SPIDR: variants seen among roughly 807,000 people sequenced by gnomAD.
SPIDR encodes DNA repair-scaffolding protein.
In SPIDR, 93 loss-of-function variants were observed where a neutral mutation model predicts 104.6. That is an observed-to-expected ratio of 0.89 (90% CI 0.75 to 1.06). The LOEUF is 1.06. SPIDR is among the 50% of genes least tolerant of loss of function. The pLI, the probability that SPIDR is intolerant of heterozygous loss-of-function variation, is 0.00. For synonymous variants in SPIDR, 431 were observed against 416.9 expected, an observed-to-expected ratio of 1.03 and a Z score of -0.41; for missense variants, 1,154 against 1,111.2, an observed-to-expected ratio of 1.04 and a Z score of -0.55.
intron 5 of SPIDR, among the ~76,000 whole-genome samples, chr8:47,320,856 A>T (rs2046418575): frequency 6.6e-6 from 1 of 152,238 alleles, no homozygotes; most frequent in Non-Finnish European, 1.5e-5. Flanking sequence ...CCACATGATT[A>T]TCTCAATAGA....
chr8:47,356,600 G>A (rs2054596801), intron 5 of SPIDR, among the ~76,000 whole-genome samples: 2 of 152,164 alleles, frequency 1.3e-5, no homozygotes, highest in Admixed American at 1.3e-4. Context: ...TAAATTTTAA[G>A]TAGACTGCTC....
intron 5 of SPIDR, among the ~76,000 whole-genome samples, chr8:47,312,988 C>T (rs1748173600): frequency 6.6e-6 from 1 of 152,048 alleles, no homozygotes; most frequent in Admixed American, 6.6e-5. Flanking sequence ...AATCCTTTCC[C>T]GAAAACTGGC....
rs550232896 is a variant in SPIDR, at chr8:47,495,396, A to C, written c.1097+54854A>C. On this transcript the variant is annotated intron_variant, in intron 8 of 19. Coordinates refer to ENST00000297423, the MANE Select transcript of SPIDR (RefSeq NM_001080394.4). ...CTTTACCCCCTCCCACCCAAAAAAA[A>C]AAAAAGATATAATTAACATAGTATA... Among the ~76,000 whole-genome samples, 16 of 152,202 alleles carry C rather than the reference A, an allele frequency of 1.1e-4. No individual in the cohort carries two copies. The South Asian group carries it at 3.3e-3, about 32-fold the overall frequency.
At chr8:47,713,738 C>T (rs1589444698) in intron 16 of SPIDR, 97 bp downstream of exon 16, 2 of 1,484,774 alleles carry the variant, frequency 1.3e-6, no homozygotes, top group African/African-American at 1.4e-5. Context: ...TTGTGGAGCA[C>T]CCGCTAAGTT....
At chr8:47,304,680 A>G (rs2042824446) in intron 5 of SPIDR, among the ~76,000 whole-genome samples, 1 of 152,218 alleles carries the variant, frequency 6.6e-6, no homozygotes, top group Non-Finnish European at 1.5e-5. Flanking sequence ...CCCCAGAAGC[A>G]TATGCCACCA....
intron 7 of SPIDR, among the ~76,000 whole-genome samples, chr8:47,420,251 A>G (rs2065181715): frequency 6.6e-6 from 1 of 152,110 alleles, no homozygotes; most frequent in Non-Finnish European, 1.5e-5. Context: ...TGGGAGTCTA[A>G]GTCTCTTTTT....
chr8:47,324,047 G>A (rs1423128182), intron 5 of SPIDR, among the ~76,000 whole-genome samples: 1 of 151,978 alleles, frequency 6.6e-6, no homozygotes, highest in African/African-American at 2.4e-5. Flanking sequence ...GTGTTCTCTG[G>A]TGACATTAAC....
chr8:47,658,029 C>CAAAAA (rs34648437), intron 10 of SPIDR, among the ~76,000 whole-genome samples: 263 of 75,542 alleles, frequency 3.5e-3, no homozygotes, highest in East Asian at 4.6e-3. Context: ...GACCCTGTCT[C>CAAAAA]AAAAAAAAAA....
chr8:47,368,510 G>A (rs2057553348), intron 5 of SPIDR, among the ~76,000 whole-genome samples: 1 of 152,116 alleles, frequency 6.6e-6, no homozygotes, highest in South Asian at 2.1e-4. Context: ...CATCTTGCCA[G>A]CCATCTTGGT....
rs148456781 is a variant in SPIDR at position 47,525,411 on chromosome 8, C to A, written c.1098-70400C>A. On this transcript the variant is annotated intron_variant, in intron 8 of 19. Transcript: ENST00000297423. ...AGCTTTGGCATTACTAACTGAATAA[C>A]CTACTTTCTTTTTCTTTAACCAACA... 2.8e-3 allele frequency among the ~76,000 whole-genome samples: 421 copies of A among 152,330 alleles called. 1 individual carries two copies. The highest frequency in any genetic ancestry group is 9.9e-3 in the African/African-American group (411 of 41,564).
chr8:47,673,225 A>G (rs1240450315), intron 10 of SPIDR, among the ~76,000 whole-genome samples: 1 of 152,244 alleles, frequency 6.6e-6, no homozygotes, highest in Non-Finnish European at 1.5e-5. Context: ...GGGGAATCCC[A>G]TCATGTCGCT....
intron 11 of SPIDR, among the ~76,000 whole-genome samples, chr8:47,684,126 C>CAAA (rs748328609): frequency 0.039 from 1,480 of 38,046 alleles, 52 homozygotes; most frequent in Non-Finnish European, 0.051. Flanking sequence ...GACTCTGTCT[C>CAAA]AAAAAAAAAA....
At chr8:47,477,182 T>G (rs2076385434) in intron 8 of SPIDR, among the ~76,000 whole-genome samples, 1 of 152,062 alleles carries the variant, frequency 6.6e-6, no homozygotes, top group Admixed American at 6.6e-5. Flanking sequence ...TACCAGAGTC[T>G]GTATATAGAA....
chr8:47,445,676 A>T (rs1213096629), intron 8 of SPIDR, among the ~76,000 whole-genome samples: 1 of 152,246 alleles, frequency 6.6e-6, no homozygotes, highest in Non-Finnish European at 1.5e-5. Flanking sequence ...TGCCAGTTAG[A>T]CAAGTTATGA....
chr8:47,280,222 TTA>T (rs1444909732), intron 2 of SPIDR, among the ~76,000 whole-genome samples: 1 of 150,764 alleles, frequency 6.6e-6, no homozygotes, highest in Non-Finnish European at 1.5e-5. Context: ...TTTTTATTTT[TTA>T]TTTTTTTTTT....
intron 10 of SPIDR, among the ~76,000 whole-genome samples, chr8:47,622,794 G>C (rs1236912050): frequency 2.6e-5 from 4 of 152,166 alleles, no homozygotes; most frequent in Non-Finnish European, 5.9e-5. Flanking sequence ...GACGTTGCAA[G>C]TAACCTCATA....
intron 11 of SPIDR, among the ~76,000 whole-genome samples, chr8:47,687,263 A>G (rs2077946923): frequency 6.6e-6 from 1 of 151,804 alleles, no homozygotes; most frequent in African/African-American, 2.4e-5. Context: ...GAATTAACAT[A>G]AATTATAACA....
chr8:47,462,085 A>T (rs1435305188), intron 8 of SPIDR, among the ~76,000 whole-genome samples: 1 of 151,994 alleles, frequency 6.6e-6, no homozygotes, highest in Non-Finnish European at 1.5e-5. Context: ...TAGTGTTCAG[A>T]TTCTTTTGTC....
At chr8:47,707,996 C>G (rs949982722) in intron 14 of SPIDR, among the ~76,000 whole-genome samples, 5 of 152,170 alleles carry the variant, frequency 3.3e-5, no homozygotes, top group African/African-American at 1.2e-4. Flanking sequence ...TCTATATCAT[C>G]TATGCTTAAA....
Sources: gnomAD v4.1 joint callset for allele counts (sites outside exome capture counted in the v4.1 genomes callset) on GRCh38, gnomAD v4.1.1 for gene constraint, MANE v1.5 for transcripts, NCBI Gene and HGNC (gene_info 2026-07-23, HGNC 2026-07-21) for gene names.